The following TERF2 variants were observed in gnomAD, a reference collection of about 807,000 sequenced individuals.
TERF2 encodes telomeric repeat binding factor 2.
In TERF2, 16 loss-of-function variants were observed where a neutral mutation model predicts 56.1. The ratio of observed to expected loss-of-function variants is 0.29; its 90% CI spans 0.19 to 0.43. TERF2 has a LOEUF of 0.43. TERF2 is among the 20% of genes least tolerant of loss of function. The pLI, the probability that TERF2 is intolerant of heterozygous loss-of-function variation, is 1.00. For missense variants in TERF2, 547 were observed against 712.9 expected, an observed-to-expected ratio of 0.77 and a Z score of 2.65; for synonymous variants, 296 against 282.1, an observed-to-expected ratio of 1.05 and a Z score of -0.50.
chr16:69,378,573 C>G (rs1207547536), intron 3 of TERF2, among the ~76,000 whole-genome samples: 2 of 152,196 alleles, frequency 1.3e-5, no homozygotes, highest in African/African-American at 2.4e-5. Flanking sequence ...TCTGTTCACA[C>G]CTGGAGTGCA....
intron 8 of TERF2, among the ~76,000 whole-genome samples, chr16:69,358,354 G>C (rs757633626): frequency 1.2e-4 from 18 of 152,030 alleles, no homozygotes; most frequent in Non-Finnish European, 2.6e-4. Flanking sequence ...CACTGTGTTA[G>C]CCAGGGTGGT....
intron 2 of TERF2, 146 bp downstream of exon 2, chr16:69,385,245 C>T: frequency 1.5e-6 from 1 of 678,550 alleles, no homozygotes; most frequent in Non-Finnish European, 2.5e-6. Context: ...CCAGTCGAGC[C>T]AGAAAACAGA....
rs1306978645 is a variant in TERF2 at position 69,369,624 on chromosome 16, A to C, written c.840+859T>G. Among the ~76,000 whole-genome samples the C allele has an allele frequency of 4.6e-5, 7 of 152,154 alleles. No homozygotes were observed. In the South Asian group the frequency reaches 8.3e-4, roughly 18 times the overall value. Reference sequence around the variant, plus strand: ...AAAGTCCTGGTTTCAAAAACAAAACAAAACCACTCTCACTCAGTGTTCCTT... The same window carrying C: ...AAAGTCCTGGTTTCAAAAACAAAACCAAACCACTCTCACTCAGTGTTCCTT... On this transcript the variant is annotated intron_variant, in intron 5 of 9. Transcript: ENST00000254942.
intron 3 of TERF2, among the ~76,000 whole-genome samples, chr16:69,382,223 T>A (rs956534198): frequency 6.6e-6 from 1 of 152,258 alleles, no homozygotes; most frequent in African/African-American, 2.4e-5. Context: ...AATAACTTAC[T>A]TGATAAACTT....
intron 7 of TERF2, among the ~76,000 whole-genome samples, chr16:69,363,670 A>G (rs1388139493): frequency 6.6e-6 from 1 of 152,184 alleles, no homozygotes; most frequent in Non-Finnish European, 1.5e-5. Flanking sequence ...GGTTGTAACA[A>G]AAAAACAAAA....
At chr16:69,375,985 G>A (rs554716191) in intron 3 of TERF2, among the ~76,000 whole-genome samples, 3 of 152,090 alleles carry the variant, frequency 2.0e-5, no homozygotes, top group Non-Finnish European at 4.4e-5. Context: ...GGTGTGATTT[G>A]TAAATATTTT....
chr16:69,369,327 A>G (rs1469220618), intron 5 of TERF2, among the ~76,000 whole-genome samples: 2 of 152,128 alleles, frequency 1.3e-5, no homozygotes, highest in Non-Finnish European at 2.9e-5. Flanking sequence ...TATTTTCCAC[A>G]TTCTCAAAGT....
intron 4 of TERF2, among the ~76,000 whole-genome samples, chr16:69,371,322 A>C (rs1035411586): frequency 2.7e-5 from 4 of 149,176 alleles, no homozygotes; most frequent in African/African-American, 9.9e-5. Context: ...AACATGTTAA[A>C]ACCCCGTCTC....
At chr16:69,368,613 G>T in intron 5 of TERF2, 131 bp from the exon 6 acceptor site, 1 of 1,538,964 alleles carries the variant, frequency 6.5e-7, no homozygotes. Flanking sequence ...TAAAACGAAG[G>T]ACATAAAATG....
Position 69,366,950 on chromosome 16 carries a change from C to T in TERF2, c.1197G>A (p.Met399Ile), listed in dbSNP as rs1378237735. 1 of 1,614,102 alleles carries T rather than the reference C, an allele frequency of 6.2e-7. No individual in the cohort carries two copies. The highest frequency in any genetic ancestry group is 1.3e-5 in the African/African-American group (1 of 74,934). ...GSELQPKNKR[M>I]TISRLVLEED... ...CCTCCAAGACCAATCTGCTTATTGT[C>T]ATGCGCTTGTTCTTGGGCTGCAGTT... Residue 399 changes from methionine (M) to isoleucine (I), a missense_variant, in exon 7 of 10, where the codon ATG becomes ATA. Physicochemically the swap from Met to Ile is conservative, Grantham distance 10. Transcript: ENST00000254942.
At chr16:69,357,080 TA>T in intron 9 of TERF2, 24 bp from the exon 10 acceptor site, 1 of 1,597,576 alleles carries the variant, frequency 6.3e-7, no homozygotes, top group Non-Finnish European at 8.5e-7. Context: ...CCAAAAGATT[TA>T]TTACCACCTT....
chr16:69,361,564 A>C, intron 7 of TERF2, 75 bp from the exon 8 acceptor site: 2 of 1,072,024 alleles, frequency 1.9e-6, no homozygotes, highest in Non-Finnish European at 2.9e-6. Context: ...GTCTTGGCTC[A>C]CTCTTGGCCC....
intron 9 of TERF2, 79 bp from the exon 10 acceptor site, chr16:69,357,135 A>G: frequency 6.9e-7 from 1 of 1,457,788 alleles, no homozygotes; most frequent in Non-Finnish European, 9.2e-7. Context: ...GTGATAAGGT[A>G]AACTCAAGAA....
At chr16:69,364,852 C>G (rs2013280008) in intron 7 of TERF2, 1 of 152,100 alleles carries the variant, frequency 6.6e-6, no homozygotes, top group South Asian at 2.1e-4. Context: ...CCCTTTTTTT[C>G]TGTAAAGGGC....
At chr16:69,361,886 G>T (rs77348788) in intron 7 of TERF2, among the ~76,000 whole-genome samples, 1 of 115,922 alleles carries the variant, frequency 8.6e-6, no homozygotes, top group Non-Finnish European at 1.9e-5. Flanking sequence ...TGATTTTTCC[G>T]TTTCCATTCC....
At chr16:69,362,354 G>C (rs992369518) in intron 7 of TERF2, among the ~76,000 whole-genome samples, 1 of 152,058 alleles carries the variant, frequency 6.6e-6, no homozygotes, top group South Asian at 2.1e-4. Context: ...CCTCCTGCCT[G>C]CAGTGCTGTT....
intron 4 of TERF2, among the ~76,000 whole-genome samples, chr16:69,371,581 G>A (rs2013578040): frequency 1.3e-5 from 2 of 151,614 alleles, no homozygotes; most frequent in Admixed American, 1.3e-4. Context: ...TTGGGAGGCC[G>A]AGGTGGTAGG....
Position 69,367,209 on chromosome 16 carries a change from A to G in TERF2, c.948-10T>C, listed in dbSNP as rs751238507. 2.5e-6 allele frequency: 4 copies of G among 1,591,316 alleles called. No individual in the cohort carries two copies. Among genetic ancestry groups the G allele is most frequent in the Non-Finnish European group, 8.6e-7 (1 of 1,166,114 alleles). ...AGGATTCCGTAGCTGCCTGCAAATC[A>G]AGCATAGGCACAAAGATGTTTTTCA... On this transcript the variant is annotated splice_polypyrimidine_tract_variant and intron_variant, in intron 6 of 9. Transcript: ENST00000254942.
intron 7 of TERF2, chr16:69,366,056 T>C (rs1057126053): frequency 2.0e-5 from 3 of 152,208 alleles, no homozygotes; most frequent in African/African-American, 7.2e-5. Flanking sequence ...AGATGATACA[T>C]GAAAGTGCTC....
Sources: gnomAD v4.1 joint callset for allele counts (sites outside exome capture counted in the v4.1 genomes callset) on GRCh38, gnomAD v4.1.1 for gene constraint, MANE v1.5 for transcripts, NCBI Gene and HGNC (gene_info 2026-07-23, HGNC 2026-07-21) for gene names.